C4orf50: variants seen among roughly 807,000 people sequenced by gnomAD.
The protein encoded by C4orf50 is uncharacterized protein C4orf50.
Under a neutral mutation model 77.2 loss-of-function variants are expected in C4orf50, and 80 were observed. The ratio of observed to expected loss-of-function variants is 1.04; its 90% confidence interval spans 0.87 to 1.25. The LOEUF is 1.25. C4orf50 is among the 50% of genes most tolerant of loss of function. The pLI is 0.00. For missense variants in C4orf50, 1,257 were observed against 1,152.9 expected (o/e 1.09, Z -1.31); for synonymous variants, 532 against 465.3 (o/e 1.14, Z -1.84).
At chr4:5,965,978 G>A (rs145252901) in intron 32 of C4orf50, among the ~76,000 whole-genome samples, 2 of 152,306 alleles carry the variant, frequency 1.3e-5, no homozygotes, top group African/African-American at 2.4e-5. Flanking sequence ...CGTTCTACAC[G>A]TTTTATCGTG....
intron 7 of C4orf50, among the ~76,000 whole-genome samples, chr4:5,950,230 A>T (rs560380514): frequency 1.3e-5 from 2 of 152,308 alleles, no homozygotes; most frequent in East Asian, 3.9e-4. Flanking sequence ...TATAAAACTG[A>T]CAGGCCACTT....
At chr4:5,912,289 G>C (rs1716842471) in intron 7 of C4orf50, among the ~76,000 whole-genome samples, 1 of 137,758 alleles carries the variant, frequency 7.3e-6, no homozygotes, top group South Asian at 2.4e-4. Context: ...GTGTGTGTGT[G>C]TGTGTATTTG....
chr4:5,997,622 A>C (rs1351293217), intron 25 of C4orf50, among the ~76,000 whole-genome samples: 1 of 152,222 alleles, frequency 6.6e-6, no homozygotes. Context: ...CTGTAACTTA[A>C]TCTGGACTCA....
chr4:6,004,032 A>AGTGATGATG (rs1722027021), intron 25 of C4orf50, among the ~76,000 whole-genome samples: 2 of 61,104 alleles, frequency 3.3e-5, no homozygotes, highest in Non-Finnish European at 3.0e-5. Flanking sequence ...ATAATGTGAT[A>AGTGATGATG]GTGATGATGG....
At chr4:5,969,299 G>A (rs1719765502) in intron 31 of C4orf50, among the ~76,000 whole-genome samples, 1 of 151,870 alleles carries the variant, frequency 6.6e-6, no homozygotes, top group African/African-American at 2.4e-5. Flanking sequence ...CCAGGCTTAG[G>A]GATTGCTGAT....
chr4:6,018,387 G>A lies in C4orf50; in HGVS notation c.45C>T (p.Tyr15=), dbSNP rs532669679. Residue 15 remains tyrosine, a synonymous_variant, in exon 23 of 34, where the codon TAC becomes TAT. Transcript: ENST00000531445. The surrounding 1 kb of genome is among the most constrained non-coding windows in gnomAD (Gnocchi z 5.1). ...CCTCACTGCTGGGGGCTCTGATGAC[G>A]TAGCTGAAACTCTCCTCAGTCCGTC... is the stretch of plus-strand genomic sequence containing the variant. 2.8e-5 allele frequency: 11 copies of A among 399,014 alleles called. No homozygotes were observed. Among genetic ancestry groups the A allele is most frequent in the South Asian group, 1.3e-4 (1 of 7,850 alleles). 24.7% of individuals were successfully genotyped at this position (399,014 alleles called of 1,614,324 possible).
chr4:5,951,803 A>T (rs556359888), intron 7 of C4orf50, among the ~76,000 whole-genome samples: 1 of 152,124 alleles, frequency 6.6e-6, no homozygotes, highest in South Asian at 2.1e-4. Context: ...CTTCTTGCTA[A>T]TCCAGACCTC....
rs1274801846 is a variant in C4orf50 at position 5,916,936 on chromosome 4, T to A, written c.*2475-18748A>T. ...GGCCCAAACACATCACTATGTGGACTGAAGAGGGTGGAAATCCAGAGCTGG... is the reference window on the plus strand; with the variant it reads ...GGCCCAAACACATCACTATGTGGACAGAAGAGGGTGGAAATCCAGAGCTGG... On this transcript the variant is annotated intron_variant, in intron 7 of 7. Transcript: ENST00000324058. This position sits in a 1 kb window ranked among gnomAD's most constrained non-coding sequence, Gnocchi z 4.4. Among the ~76,000 whole-genome samples the A allele has an allele frequency of 6.6e-6, 1 of 152,142 alleles. No individual in the cohort carries two copies. The highest frequency in any genetic ancestry group is 1.5e-5 in the Non-Finnish European group (1 of 68,016).
intron 7 of C4orf50, among the ~76,000 whole-genome samples, chr4:5,930,202 C>T (rs956296955): frequency 2.6e-5 from 4 of 152,158 alleles, no homozygotes; most frequent in Non-Finnish European, 5.9e-5. Context: ...CTCTAGGCCT[C>T]AGATTCCTGT....
chr4:5,991,858 C>T (rs1385878276), intron 27 of C4orf50, among the ~76,000 whole-genome samples: 3 of 152,196 alleles, frequency 2.0e-5, no homozygotes, highest in East Asian at 1.9e-4. Flanking sequence ...GAGGGGCCAC[C>T]GCATCCCTGC....
chr4:5,933,257 T>G (rs1717845972), intron 7 of C4orf50, among the ~76,000 whole-genome samples: 1 of 152,334 alleles, frequency 6.6e-6, no homozygotes. Flanking sequence ...ATTAGCTTCA[T>G]GGAACACAAG....
chr4:5,941,617 C>G (rs1333099379), intron 7 of C4orf50, among the ~76,000 whole-genome samples: 1 of 152,164 alleles, frequency 6.6e-6, no homozygotes, highest in Non-Finnish European at 1.5e-5. Context: ...ATTAAGGGCA[C>G]CAATTTCTAC....
intron 7 of C4orf50, among the ~76,000 whole-genome samples, chr4:5,933,441 C>T (rs1717853346): frequency 6.6e-6 from 1 of 152,204 alleles, no homozygotes; most frequent in African/African-American, 2.4e-5. Context: ...GTCCCTACTC[C>T]CATATTCCCC....
rs78451156 is a variant in C4orf50 at position 6,005,141 on chromosome 4, G to A, written c.963+2855C>T. ...TTCCTGCCTGCAACTCTGAGTATGAGCATCTTGCTCCACTCCAATGTTGAA... is the reference window on the plus strand; with the variant it reads ...TTCCTGCCTGCAACTCTGAGTATGAACATCTTGCTCCACTCCAATGTTGAA... On this transcript the variant is annotated intron_variant, in intron 25 of 33. Coordinates refer to ENST00000531445, the Ensembl canonical transcript of C4orf50. Among the ~76,000 whole-genome samples, 599 of 152,254 alleles carry A rather than the reference G, an allele frequency of 3.9e-3. 3 individuals are homozygous for A. The highest frequency in any genetic ancestry group is 6.4e-3 in the Non-Finnish European group (437 of 68,004).
chr4:5,981,768 C>A (rs570414575), intron 28 of C4orf50, among the ~76,000 whole-genome samples: 2 of 152,218 alleles, frequency 1.3e-5, no homozygotes, highest in African/African-American at 4.8e-5. Context: ...AACAGCACTG[C>A]TAAAAGTTCC....
intron 28 of C4orf50, 74 bp from the exon 7 acceptor site, chr4:5,980,412 C>T (rs36123157): frequency 1.5e-6 from 2 of 1,333,860 alleles, no homozygotes; most frequent in South Asian, 1.4e-5. Flanking sequence ...ACAAACGGTA[C>T]CCGTTTCCCC....
chr4:5,919,199 T>C lies in C4orf50; in HGVS notation c.*2475-21011A>G, dbSNP rs891871529. ...CTCTCTCATTCAGGGCCCCTGGCTGTGCCATTTCCGGAGCTGAATGTATTC... is the reference window on the plus strand; with the variant it reads ...CTCTCTCATTCAGGGCCCCTGGCTGCGCCATTTCCGGAGCTGAATGTATTC... On this transcript the variant is annotated intron_variant, in intron 7 of 7. Coordinates refer to the C4orf50 transcript ENST00000324058. The surrounding 1 kb of genome is among the most constrained non-coding windows in gnomAD (Gnocchi z 6.5). Among the ~76,000 whole-genome samples, 1 of 152,110 alleles carries C rather than the reference T, an allele frequency of 6.6e-6. No homozygotes were observed. Among genetic ancestry groups the C allele is most frequent in the African/African-American group, 2.4e-5 (1 of 41,412 alleles).
chr4:5,967,313 C>T (rs546447000), intron 32 of C4orf50, 101 bp downstream of exon 10: 59 of 900,126 alleles, frequency 6.6e-5, no homozygotes, highest in African/African-American at 1.1e-4. Context: ...AGCATGAATG[C>T]GACAGTGGGC....
At chr4:5,961,130 G>A (rs1719251425) in intron 33 of C4orf50, among the ~76,000 whole-genome samples, 1 of 152,188 alleles carries the variant, frequency 6.6e-6, no homozygotes, top group African/African-American at 2.4e-5. Flanking sequence ...TTAGCTTTTT[G>A]TTTTGAAATG....
Sources: gnomAD v4.1 joint callset for allele counts (sites outside exome capture counted in the v4.1 genomes callset) on GRCh38, gnomAD v4.1.1 for gene constraint, Gnocchi (gnomAD v3.1) non-coding constraint, MANE v1.5 for transcripts, NCBI Gene and HGNC (gene_info 2026-07-23, HGNC 2026-07-21) for gene names.